ZNF582: variants seen among roughly 807,000 people sequenced by gnomAD.
ZNF582 encodes zinc finger protein 582.
A neutral mutation model predicts 12.3 loss-of-function variants in ZNF582; 14 were observed. The ratio of observed to expected loss-of-function variants is 1.14; its 90% confidence interval spans 0.75 to 1.78. The LOEUF is 1.78. Ranked by LOEUF, ZNF582 falls within the 40% of genes most tolerant of loss-of-function variation. The pLI, the probability that ZNF582 is intolerant of heterozygous loss-of-function variation, is 0.00. For missense variants in ZNF582, 567 were observed against 616.5 expected (o/e 0.92, Z 0.85); for synonymous variants, 210 against 207.2 (o/e 1.01, Z -0.11).
intron 1 of ZNF582, among the ~76,000 whole-genome samples, chr19:56,392,081 AAGAC>A (rs1465063488): frequency 6.6e-6 from 1 of 152,214 alleles, no homozygotes; most frequent in African/African-American, 2.4e-5. Flanking sequence ...ATGCAAGTCT[AAGAC>A]AGGGATGCTG....
chr19:56,384,255 TTC>T lies in ZNF582; in HGVS notation c.1160_1161del (p.Arg387AsnfsTer11). ...TGGTAGGGTTTCTCTCCAGTGTGAA[TTC>T]TCTGATGTTGCTTGAGTTGTGAGCT... On this transcript the variant is annotated frameshift_variant, in exon 5 of 5. Transcript: ENST00000586929. LOFTEE classifies it low-confidence loss of function (END_TRUNC). 1 of 1,614,120 alleles carries T rather than the reference TTC, an allele frequency of 6.2e-7. No individual in the cohort carries two copies. Among genetic ancestry groups the T allele is most frequent in the Non-Finnish European group, 8.5e-7 (1 of 1,180,000 alleles).
chr19:56,384,903 C>T (rs1555818592), exon 5 of ZNF582: 1 of 1,613,834 alleles, frequency 6.2e-7, no homozygotes, highest in Non-Finnish European at 8.5e-7. Context: ...TTATTATACC[C>T]AAAAGGTTTT....
exon 5 of ZNF582, chr19:56,383,733 TA>T: frequency 8.9e-7 from 1 of 1,125,372 alleles, no homozygotes; most frequent in Non-Finnish European, 1.2e-6. Flanking sequence ...TTTACATCCA[TA>T]AAATTTTCTT....
Position 56,393,219 on chromosome 19 carries a change from C to T in ZNF582, c.-81+1G>A. ...GGGGTCGGAGACCCCTGCGCACCCA[C>T]CTAAGGGGTCCATGCACCTGGGCTA... is the stretch of plus-strand genomic sequence containing the variant. On this transcript the variant is annotated splice_donor_variant, in intron 1 of 4. Transcript: ENST00000586929. LOFTEE classifies it low-confidence loss of function (5UTR_SPLICE). 7.9e-7 allele frequency: 1 copy of T among 1,259,292 alleles called. No individual in the cohort carries two copies. The highest frequency in any genetic ancestry group is 1.0e-6 in the Non-Finnish European group (1 of 981,290). 78.0% of individuals were successfully genotyped at this position (1,259,292 alleles called of 1,614,324 possible).
At chr19:56,385,178 T>C in exon 5 of ZNF582, 1 of 1,572,076 alleles carries the variant, frequency 6.4e-7, no homozygotes, top group Non-Finnish European at 8.6e-7. Flanking sequence ...ATATCTGGAC[T>C]CCAATACTAA....
intron 1 of ZNF582, among the ~76,000 whole-genome samples, chr19:56,392,723 A>G (rs1246882991): frequency 6.6e-5 from 10 of 152,144 alleles, no homozygotes; most frequent in Non-Finnish European, 1.5e-4. Context: ...AAAACAAAAC[A>G]AAAAAATTGG....
At position 56,384,150 on chromosome 19, in the gene ZNF582, A is replaced by G. The variant is rs147819563; in HGVS notation, c.1267T>C (p.Tyr423His). 1.9e-5 allele frequency: 31 copies of G among 1,612,832 alleles called. No individual in the cohort carries two copies. The African/African-American group carries it at 3.1e-4, about 16-fold the overall frequency. ...GCCTTCCCACATTCCTTACATTCAT[A>G]TGGCTTTTCACCTGTATGAATTCTG... Residue 423 changes from tyrosine to histidine, a missense_variant, in exon 5 of 5, where the codon TAT (tyrosine) becomes CAT (histidine). Coordinates refer to ENST00000586929, the Ensembl canonical transcript of ZNF582.
chr19:56,393,092 G>A (rs892947401), intron 1 of ZNF582, 128 bp downstream of exon 1: 8 of 741,448 alleles, frequency 1.1e-5, no homozygotes, highest in African/African-American at 1.9e-5. Flanking sequence ...GTCTTCTGGG[G>A]TCTTGTAACT....
exon 1 of ZNF582, chr19:56,393,226 G>A (rs759784561): frequency 1.6e-6 from 2 of 1,256,970 alleles, no homozygotes. Context: ...CCACCTAAGG[G>A]GTCCATGCAC....
rs901689603 is a variant in ZNF582, at chr19:56,393,344, C to T, written c.-205G>A. On this transcript the variant is annotated 5_prime_UTR_variant, in exon 1 of 5. Transcript: ENST00000586929. The stretch of plus-strand genomic sequence containing the variant: ...GTAAAGCCACAGAGCGACGATGAGG[C>T]GAGACGTCTGCGTTCTTCTCAGGCC... The T allele has an allele frequency of 7.7e-6, 8 of 1,042,546 alleles. No individual in the cohort carries two copies. The African/African-American group carries it at 1.2e-4, about 15-fold the overall frequency. 64.6% of individuals were successfully genotyped at this position (1,042,546 alleles called of 1,614,324 possible).
exon 5 of ZNF582, chr19:56,384,381 T>C (rs1258901421): frequency 1.2e-6 from 2 of 1,608,736 alleles, no homozygotes; most frequent in South Asian, 2.2e-5. Flanking sequence ...TTAAAAGCCT[T>C]CCCACATTCC....
At chr19:56,385,220 T>A in intron 4 of ZNF582, 36 bp from the exon 5 acceptor site, 1 of 1,527,336 alleles carries the variant, frequency 6.5e-7, no homozygotes. Context: ...TTTGGCTTCT[T>A]TTTTTTTCCA....
At chr19:56,385,025 TGTC>T (rs1310385244) in exon 5 of ZNF582, 1 of 1,614,194 alleles carries the variant, frequency 6.2e-7, no homozygotes, top group Admixed American at 1.7e-5. Flanking sequence ...ATTTCCCTGT[TGTC>T]TGTCAAACTG....
chr19:56,390,961 G>A (rs979564869), intron 2 of ZNF582, among the ~76,000 whole-genome samples: 9 of 152,262 alleles, frequency 5.9e-5, no homozygotes, highest in African/African-American at 2.2e-4. Flanking sequence ...GGATTTTCAT[G>A]TAAGTCAAGA....
At position 56,388,695 on chromosome 19, in the gene ZNF582, C is replaced by T. The variant is rs183389113; in HGVS notation, c.232+1306G>A. 2.2e-4 allele frequency among the ~76,000 whole-genome samples: 34 copies of T among 152,178 alleles called. No individual in the cohort carries two copies. In the East Asian group the frequency reaches 4.5e-3, roughly 20 times the overall value. On this transcript the variant is annotated intron_variant, in intron 4 of 4. Transcript: ENST00000586929. ...TTGCCCCAGCTGGAGCGCAGTGGTT[C>T]GATCTCGGATCACTGCAATCTCCGC...
chr19:56,383,023 T>C (rs551148729), exon 5 of ZNF582: 2 of 152,338 alleles, frequency 1.3e-5, no homozygotes, highest in East Asian at 3.9e-4. Context: ...CCCCGGCAGA[T>C]TCCACTGAGC....
exon 5 of ZNF582, chr19:56,385,068 T>C (rs1160520958): frequency 1.9e-6 from 3 of 1,614,162 alleles, no homozygotes; most frequent in Non-Finnish European, 2.5e-6. Flanking sequence ...TCTTGGAAAC[T>C]TGAACACTCA....
chr19:56,383,876 C>A, exon 5 of ZNF582: 1 of 1,576,202 alleles, frequency 6.3e-7, no homozygotes, highest in Non-Finnish European at 8.6e-7. Context: ...GGCTAATGGG[C>A]TTTCCCCATT....
At chr19:56,389,902 G>T (rs2042000706) in intron 4 of ZNF582, 99 bp downstream of exon 4, 2 of 902,890 alleles carry the variant, frequency 2.2e-6, no homozygotes, top group Non-Finnish European at 3.5e-6. Context: ...AAGCTTTGAA[G>T]GTAGCAACCT....
Sources: gnomAD v4.1 joint callset for allele counts (sites outside exome capture counted in the v4.1 genomes callset) on GRCh38, gnomAD v4.1.1 for gene constraint, MANE v1.5 for transcripts, NCBI Gene and HGNC (gene_info 2026-07-23, HGNC 2026-07-21) for gene names.